The following ABTB2 variants were observed in gnomAD, a reference collection of about 807,000 sequenced individuals.
ABTB2 encodes the protein ankyrin repeat and BTB/POZ domain-containing protein 2.
Under a neutral mutation model 104.1 loss-of-function variants are expected in ABTB2, and 56 were observed. That is an observed-to-expected ratio of 0.54 (90% CI 0.43 to 0.67). The LOEUF (loss-of-function observed/expected upper bound fraction) is 0.67. Among genes scored for constraint, ABTB2 ranks in the 30% least tolerant of loss-of-function variants. ABTB2 has a pLI of 0.00. For missense variants in ABTB2, 1,279 were observed against 1,407.7 expected (o/e 0.91, Z 1.46); for synonymous variants, 606 against 608.2 (o/e 1.00, Z 0.05).
intron 1 of ABTB2, among the ~76,000 whole-genome samples, chr11:34,308,198 G>C (rs551271614): frequency 8.1e-4 from 123 of 152,318 alleles, no homozygotes; most frequent in African/African-American, 2.8e-3. Context: ...ACAGGATACA[G>C]GGCAAGCATG....
intron 3 of ABTB2, among the ~76,000 whole-genome samples, chr11:34,190,370 A>C (rs2955941): frequency 5.3e-5 from 8 of 152,048 alleles, no homozygotes; most frequent in Non-Finnish European, 1.0e-4. Context: ...ATCCAGGCAG[A>C]CTTCAGAGCC....
chr11:34,286,861 T>G (rs1306894718), intron 1 of ABTB2, among the ~76,000 whole-genome samples: 1 of 152,196 alleles, frequency 6.6e-6, no homozygotes, highest in East Asian at 1.9e-4. Context: ...GCTTATATAC[T>G]GCATGACTCC....
intron 1 of ABTB2, among the ~76,000 whole-genome samples, chr11:34,312,459 G>A (rs1312808722): frequency 6.6e-6 from 1 of 152,202 alleles, no homozygotes; most frequent in Non-Finnish European, 1.5e-5. Context: ...CAAGATGAAA[G>A]CACATTGCTG....
chr11:34,326,474 AC>A (rs1287022065), intron 1 of ABTB2, among the ~76,000 whole-genome samples: 1 of 152,014 alleles, frequency 6.6e-6, no homozygotes, highest in Non-Finnish European at 1.5e-5. Context: ...AAATATTAAT[AC>A]AAAAATTAGT....
chr11:34,353,721 A>G (rs1855428075), intron 1 of ABTB2, among the ~76,000 whole-genome samples: 1 of 152,236 alleles, frequency 6.6e-6, no homozygotes, highest in African/African-American at 2.4e-5. Flanking sequence ...CTTGGTTGGA[A>G]GACATTAAGT....
chr11:34,201,950 G>A (rs973984735), intron 2 of ABTB2, among the ~76,000 whole-genome samples: 4 of 152,206 alleles, frequency 2.6e-5, no homozygotes, highest in African/African-American at 9.6e-5. Flanking sequence ...CATACTCACA[G>A]GCATGCATGT....
At chr11:34,170,750 T>C (rs567930686) in intron 5 of ABTB2, among the ~76,000 whole-genome samples, 156 bp downstream of exon 5, 1 of 152,316 alleles carries the variant, frequency 6.6e-6, no homozygotes, top group East Asian at 1.9e-4. Context: ...ACATTCCACA[T>C]GACCAGGCAG....
rs1489883711 is a variant in ABTB2 at position 34,159,422 on chromosome 11, A to G, written c.2607-36T>C. 12 of 1,413,256 alleles carry G rather than the reference A, an allele frequency of 8.5e-6. No homozygotes were observed. The African/African-American group carries it at 1.4e-4, about 17-fold the overall frequency. 87.5% of individuals were successfully genotyped at this position (1,413,256 alleles called of 1,614,324 possible). A position where few individuals can be genotyped will look rare whatever the true frequency, so the allele number is the denominator to read the frequency against. On this transcript the variant is annotated intron_variant, in intron 13 of 16. Transcript: ENST00000435224. ...GGAGACAAAGCAAGGTGGGTTTTGAACCTTTTACTTCACCACTGTGTGGCG... is the reference window on the plus strand; with the variant it reads ...GGAGACAAAGCAAGGTGGGTTTTGAGCCTTTTACTTCACCACTGTGTGGCG...
intron 1 of ABTB2, among the ~76,000 whole-genome samples, chr11:34,254,177 ACTGCAGAATCT>A (rs1281027121): frequency 6.6e-6 from 1 of 152,224 alleles, no homozygotes; most frequent in Non-Finnish European, 1.5e-5. Context: ...CCCCATTTGT[ACTGCAGAATCT>A]CTTCCATGAC....
At chr11:34,233,237 C>T (rs1398036732) in intron 1 of ABTB2, among the ~76,000 whole-genome samples, 1 of 151,420 alleles carries the variant, frequency 6.6e-6, no homozygotes, top group Admixed American at 6.6e-5. Context: ...TTTTTGAAGA[C>T]AAAGCAAAAC....
chr11:34,318,626 T>C (rs1419466857), intron 1 of ABTB2, among the ~76,000 whole-genome samples: 1 of 152,140 alleles, frequency 6.6e-6, no homozygotes, highest in Non-Finnish European at 1.5e-5. Context: ...TAATAAAAAT[T>C]CCAACTTAGA....
At chr11:34,244,723 G>A (rs1439934475) in intron 1 of ABTB2, among the ~76,000 whole-genome samples, 3 of 152,226 alleles carry the variant, frequency 2.0e-5, no homozygotes, top group African/African-American at 4.8e-5. Context: ...ATCAAACTGC[G>A]ATTCTAGGGT....
chr11:34,332,565 G>C (rs1310703329), intron 1 of ABTB2, among the ~76,000 whole-genome samples: 1 of 152,130 alleles, frequency 6.6e-6, no homozygotes, highest in African/African-American at 2.4e-5. Context: ...GGAGGAGCTA[G>C]AAAAACTGGC....
intron 3 of ABTB2, among the ~76,000 whole-genome samples, chr11:34,188,192 C>T (rs149479162): frequency 1.3e-5 from 2 of 152,318 alleles, no homozygotes; most frequent in East Asian, 1.9e-4. Flanking sequence ...ATGGCAGAGC[C>T]GGGACCCCAT....
chr11:34,325,998 A>C (rs1364019034), intron 1 of ABTB2, among the ~76,000 whole-genome samples: 2 of 150,316 alleles, frequency 1.3e-5, no homozygotes, highest in Admixed American at 6.6e-5. Context: ...AATAAAATAA[A>C]ATAAAATAAA....
chr11:34,272,794 T>C (rs1854336114), intron 1 of ABTB2, among the ~76,000 whole-genome samples: 1 of 151,054 alleles, frequency 6.6e-6, no homozygotes. Context: ...TTTTATCGTA[T>C]ATATGGTTTA....
chr11:34,352,411 A>T (rs955825253), intron 1 of ABTB2, among the ~76,000 whole-genome samples: 1 of 152,186 alleles, frequency 6.6e-6, no homozygotes, highest in Non-Finnish European at 1.5e-5. Context: ...CTTTAAAAAA[A>T]ATATTTTAAA....
At chr11:34,205,696 CG>C in intron 1 of ABTB2, among the ~76,000 whole-genome samples, 1 of 152,084 alleles carries the variant, frequency 6.6e-6, no homozygotes, top group South Asian at 2.1e-4. Flanking sequence ...TGGAGAGCAC[CG>C]GGATGTGGCC....
At chr11:34,195,167 G>A (rs906689347) in intron 3 of ABTB2, among the ~76,000 whole-genome samples, 2 of 150,950 alleles carry the variant, frequency 1.3e-5, no homozygotes, top group African/African-American at 4.9e-5. Flanking sequence ...CCAGCAGCCA[G>A]GGCAACAGGC....
Sources: gnomAD v4.1 joint callset for allele counts (sites outside exome capture counted in the v4.1 genomes callset) on GRCh38, gnomAD v4.1.1 for gene constraint, MANE v1.5 for transcripts, NCBI Gene and HGNC (gene_info 2026-07-23, HGNC 2026-07-21) for gene names.